LRP2: variants seen among roughly 807,000 people sequenced by gnomAD.
LRP2 encodes the protein low-density lipoprotein receptor-related protein 2.
A neutral mutation model predicts 531.0 loss-of-function variants in LRP2; 172 were observed. The ratio of observed to expected loss-of-function variants is 0.32; its 90% confidence interval spans 0.29 to 0.37. The LOEUF (loss-of-function observed/expected upper bound fraction) is 0.37, where lower values mean the gene tolerates loss of function less well. Ranked by LOEUF, LRP2 falls within the 10% of genes least tolerant of loss-of-function variation. LRP2 has a pLI of 1.00. For synonymous variants in LRP2, 1,992 were observed against 2,027.6 expected (o/e 0.98, Z 0.47); for missense variants, 5,167 against 5,868.3 (o/e 0.88, Z 3.90).
chr2:169,194,989 G>A lies in LRP2; in HGVS notation c.8699-1097C>T, dbSNP rs147899325. Among the ~76,000 whole-genome samples the A allele has an allele frequency of 3.4e-3, 512 of 152,230 alleles. 2 individuals carry two copies. Among genetic ancestry groups the A allele is most frequent in the African/African-American group, 0.011 (469 of 41,524 alleles). On this transcript the variant is annotated intron_variant, in intron 46 of 78. Coordinates refer to ENST00000649046, the MANE Select transcript of LRP2 (RefSeq NM_004525.3). ...CTCCCAAAGCGCTAGGATTACAGGC[G>A]TGAGCCACCGCGCCTGGCCTGATCC...
chr2:169,234,571 T>C (rs897804973), intron 29 of LRP2, among the ~76,000 whole-genome samples: 7 of 152,220 alleles, frequency 4.6e-5, no homozygotes, highest in African/African-American at 7.2e-5. Context: ...TTGTAAATAG[T>C]GCTGCAATAA....
chr2:169,165,973 A>C lies in LRP2; in HGVS notation c.11717T>G (p.Val3906Gly), dbSNP rs1190568380. ...CIYSHEVCNG[V>G]DDCGDGTDET... ...ATCAGTTCCATCTCCACAGTCATCC[A>C]CACCATTGCACACCTCATGACTATA... The change falls in exon 62 of 79, where the codon GTG becomes GGG. Residue 3906 changes from valine to glycine, a missense_variant. Val to Gly is a moderately radical substitution (Grantham distance 109). Transcript: ENST00000649046. 2 of 1,613,900 alleles carry C rather than the reference A, an allele frequency of 1.2e-6. No individual in the cohort carries two copies. Among genetic ancestry groups the C allele is most frequent in the Non-Finnish European group, 1.7e-6 (2 of 1,179,936 alleles).
At chr2:169,346,886 T>C (rs1685710104) in intron 1 of LRP2, among the ~76,000 whole-genome samples, 1 of 152,206 alleles carries the variant, frequency 6.6e-6, no homozygotes, top group African/African-American at 2.4e-5. Flanking sequence ...TCAGTTTCAA[T>C]TGCTAACTAG....
chr2:169,302,276 G>A (rs1684303965), intron 4 of LRP2, among the ~76,000 whole-genome samples: 1 of 152,038 alleles, frequency 6.6e-6, no homozygotes, highest in Admixed American at 6.6e-5. Flanking sequence ...TGACTAAATG[G>A]ATTTCAGCAA....
chr2:169,151,102 G>C, intron 67 of LRP2, 76 bp from the exon 68 acceptor site: 2 of 1,517,942 alleles, frequency 1.3e-6, no homozygotes, highest in Non-Finnish European at 9.1e-7. Flanking sequence ...TTGAAGATGA[G>C]AGCATTTCGT....
intron 1 of LRP2, among the ~76,000 whole-genome samples, chr2:169,360,389 A>ATATG (rs1686117690): frequency 6.6e-6 from 1 of 152,098 alleles, no homozygotes; most frequent in Admixed American, 6.6e-5. Context: ...CCTGCCACAT[A>ATATG]TATGTGTATG....
intron 19 of LRP2, among the ~76,000 whole-genome samples, chr2:169,248,289 T>C (rs1320993514): frequency 2.0e-5 from 3 of 152,260 alleles, no homozygotes; most frequent in African/African-American, 7.2e-5. Context: ...GTGGATTTTC[T>C]CTTTAATGAT....
intron 24 of LRP2, among the ~76,000 whole-genome samples, chr2:169,242,713 G>T (rs1435368372): frequency 6.6e-6 from 1 of 152,136 alleles, no homozygotes; most frequent in East Asian, 1.9e-4. Flanking sequence ...AAATATCTAA[G>T]AAATATTTAG....
intron 67 of LRP2, among the ~76,000 whole-genome samples, chr2:169,151,658 C>T (rs897884398): frequency 6.6e-6 from 1 of 152,134 alleles, no homozygotes; most frequent in Non-Finnish European, 1.5e-5. Flanking sequence ...CAGTCTCTTA[C>T]AAGCAGAAAA....
rs148452352 is a variant in LRP2, at chr2:169,292,244, C to T, written c.769+9G>A. On this transcript the variant is annotated intron_variant, in intron 7 of 78. Coordinates refer to ENST00000649046, the MANE Select transcript of LRP2 (RefSeq NM_004525.3). ...ATGCTTTTCAGTAGGAATCTCTTCC[C>T]CTCCTTACCACATCCATCTTCATCT... 600 of 1,573,842 alleles carry T rather than the reference C, an allele frequency of 3.8e-4. 5 individuals carry two copies. In the African/African-American group the frequency reaches 7.8e-3, roughly 20 times the overall value.
At chr2:169,254,678 A>G (rs545093440) in intron 19 of LRP2, among the ~76,000 whole-genome samples, 43 of 148,564 alleles carry the variant, frequency 2.9e-4, no homozygotes, top group Admixed American at 1.4e-3. Flanking sequence ...TGAAAGAAAT[A>G]AATAATTATT....
In LRP2 at chr2:169,147,015, C is replaced by T. The variant is rs1311253861; in HGVS notation, c.12591-56G>A. 5 of 1,283,586 alleles carry T rather than the reference C, an allele frequency of 3.9e-6. No homozygotes were observed. In the Admixed American group the frequency reaches 5.8e-5, roughly 15 times the overall value. 79.5% of individuals were successfully genotyped at this position (1,283,586 alleles called of 1,614,324 possible). A position where few individuals can be genotyped will look rare whatever the true frequency, so the allele number is the denominator to read the frequency against. On this transcript the variant is annotated intron_variant, in intron 68 of 78. Coordinates refer to ENST00000649046, the MANE Select transcript of LRP2 (RefSeq NM_004525.3). The stretch of plus-strand genomic sequence containing the variant: ...CTCACCTGGTAAGACTTCTCCACTA[C>T]AGCAGAGCACAGGGCATTACCTACA...
intron 1 of LRP2, among the ~76,000 whole-genome samples, chr2:169,361,208 C>G (rs990923234): frequency 6.6e-6 from 1 of 152,120 alleles, no homozygotes; most frequent in African/African-American, 2.4e-5. Flanking sequence ...GGTGGTCGGT[C>G]ACACGCAGCT....
chr2:169,174,809 C>CTT (rs36105004), intron 55 of LRP2, among the ~76,000 whole-genome samples: 2,901 of 128,478 alleles, frequency 0.023, 104 homozygotes, highest in South Asian at 0.065. Flanking sequence ...TGTGCTCAGT[C>CTT]TTTTTTTTTT....
At chr2:169,258,082 T>G (rs977823224) in intron 17 of LRP2, among the ~76,000 whole-genome samples, 1 of 152,118 alleles carries the variant, frequency 6.6e-6, no homozygotes, top group Non-Finnish European at 1.5e-5. Context: ...TGAAATTTCT[T>G]ATCAATAATA....
chr2:169,143,190 T>C lies in LRP2; in HGVS notation c.12989-397A>G, dbSNP rs1403738949. Reference sequence around the variant, plus strand: ...ACCAAGATTTGTCACTACCCAAAACTGGACAGATCATAACATATGGTCTAT... The same window carrying C: ...ACCAAGATTTGTCACTACCCAAAACCGGACAGATCATAACATATGGTCTAT... On this transcript the variant is annotated intron_variant, in intron 70 of 78. Transcript: ENST00000649046. 3.9e-5 allele frequency among the ~76,000 whole-genome samples: 6 copies of C among 152,350 alleles called. No individual in the cohort carries two copies. In the East Asian group the frequency reaches 7.7e-4, roughly 20 times the overall value.
intron 47 of LRP2, among the ~76,000 whole-genome samples, 172 bp from the exon 48 acceptor site, chr2:169,192,205 A>G (rs1210122905): frequency 6.6e-6 from 1 of 152,194 alleles, no homozygotes; most frequent in African/African-American, 2.4e-5. Flanking sequence ...ACCTCCAAAG[A>G]TTCCATTTTA....
At chr2:169,326,600 C>A (rs547003317) in intron 1 of LRP2, among the ~76,000 whole-genome samples, 392 of 152,254 alleles carry the variant, frequency 2.6e-3, no homozygotes, top group African/African-American at 8.4e-3. Flanking sequence ...CCTTGGCCTC[C>A]CAAAGTGCCG....
chr2:169,239,477 T>C, intron 26 of LRP2, 50 bp downstream of exon 26: 1 of 1,613,636 alleles, frequency 6.2e-7, no homozygotes, highest in African/African-American at 1.3e-5. Context: ...CATTTGATTT[T>C]AAGCTCTGGG....
Sources: gnomAD v4.1 joint callset for allele counts (sites outside exome capture counted in the v4.1 genomes callset) on GRCh38, gnomAD v4.1.1 for gene constraint, MANE v1.5 for transcripts, NCBI Gene and HGNC (gene_info 2026-07-23, HGNC 2026-07-21) for gene names.